The following ADAM10 variants were observed in gnomAD, a reference collection of about 807,000 sequenced individuals.
ADAM10 encodes ADAM metallopeptidase domain 10.
ADAM10 carries 17 observed loss-of-function variants against 90.1 expected under a neutral mutation model. The observed-to-expected ratio is 0.19, with a 90% CI of 0.13 to 0.28. The LOEUF is 0.28. Among genes scored for constraint, ADAM10 ranks in the 10% least tolerant of loss-of-function variants. ADAM10 has a pLI of 1.00. For missense variants in ADAM10, 610 were observed against 914.3 expected, an observed-to-expected ratio of 0.67 and a Z score of 4.29; for synonymous variants, 310 against 298.6, an observed-to-expected ratio of 1.04 and a Z score of -0.40.
At chr15:58,742,749 T>C (rs1354803659) in intron 1 of ADAM10, among the ~76,000 whole-genome samples, 1 of 152,224 alleles carries the variant, frequency 6.6e-6, no homozygotes, top group African/African-American at 2.4e-5. Context: ...CTAGACTACT[T>C]AGAATTACCA....
chr15:58,719,884 T>G (rs944825421), intron 1 of ADAM10, among the ~76,000 whole-genome samples: 16 of 152,188 alleles, frequency 1.1e-4, no homozygotes, highest in African/African-American at 3.9e-4. Flanking sequence ...AAACCATGTG[T>G]GACAATTAAT....
intron 5 of ADAM10, among the ~76,000 whole-genome samples, chr15:58,648,090 T>C (rs967872641): frequency 1.7e-4 from 26 of 152,214 alleles, no homozygotes; most frequent in African/African-American, 6.3e-4. Context: ...AGGGTAACTA[T>C]GTGAAATGAT....
chr15:58,741,405 A>AAAG (rs1899610186), intron 1 of ADAM10, among the ~76,000 whole-genome samples: 1 of 152,192 alleles, frequency 6.6e-6, no homozygotes, highest in Non-Finnish European at 1.5e-5. Context: ...TAATCCAGCT[A>AAAG]CCTAAAGCAC....
intron 13 of ADAM10, 177 bp downstream of exon 13, chr15:58,610,822 T>G: frequency 1.5e-6 from 1 of 658,226 alleles, no homozygotes; most frequent in South Asian, 1.9e-5. Flanking sequence ...TTTAAAACAT[T>G]GTAGAGACCA....
chr15:58,675,539 G>A (rs1390687374), intron 4 of ADAM10, among the ~76,000 whole-genome samples: 1 of 152,140 alleles, frequency 6.6e-6, no homozygotes, highest in African/African-American at 2.4e-5. Context: ...AAGGGGCAGA[G>A]GACTAAGTGG....
At chr15:58,718,181 T>C (rs1212547902) in intron 1 of ADAM10, among the ~76,000 whole-genome samples, 4 of 151,858 alleles carry the variant, frequency 2.6e-5, no homozygotes, top group Admixed American at 6.6e-5. Context: ...TAAAAATAAA[T>C]AAAAAGTTAA....
At chr15:58,728,911 A>T (rs1899129446) in intron 1 of ADAM10, among the ~76,000 whole-genome samples, 1 of 152,240 alleles carries the variant, frequency 6.6e-6, no homozygotes, top group Non-Finnish European at 1.5e-5. Context: ...GGGAAATAAA[A>T]GATTAAATGA....
chr15:58,718,148 A>C (rs1898726739), intron 1 of ADAM10, among the ~76,000 whole-genome samples: 1 of 152,004 alleles, frequency 6.6e-6, no homozygotes, highest in African/African-American at 2.4e-5. Flanking sequence ...AATAAAAAAT[A>C]AAATAAAAAT....
At chr15:58,727,734 T>C (rs1380268118) in intron 1 of ADAM10, among the ~76,000 whole-genome samples, 1 of 152,082 alleles carries the variant, frequency 6.6e-6, no homozygotes, top group Admixed American at 6.6e-5. Context: ...ATCCAAACCC[T>C]AATCCAAAGA....
chr15:58,647,248 ATTTTTTTTTTTTTTT>A (rs67378373), intron 5 of ADAM10, among the ~76,000 whole-genome samples: 76 of 59,602 alleles, frequency 1.3e-3, no homozygotes, highest in Non-Finnish European at 1.7e-3. Context: ...GACACTAAGT[ATTTTTTTTTTTTTTT>A]TTTTTTTTTT....
intron 1 of ADAM10, among the ~76,000 whole-genome samples, chr15:58,722,726 C>CTTTTTTT (rs71116592): frequency 9.6e-6 from 1 of 103,998 alleles, no homozygotes; most frequent in South Asian, 3.7e-4. Context: ...AATTTGAGAA[C>CTTTTTTT]TTTTTTTTTT....
intron 1 of ADAM10, among the ~76,000 whole-genome samples, chr15:58,735,257 C>T (rs1899391891): frequency 6.6e-6 from 1 of 152,152 alleles, no homozygotes; most frequent in Non-Finnish European, 1.5e-5. Flanking sequence ...CTACTCTATC[C>T]TGATCCTTAC....
Position 58,591,434 on chromosome 15 carries a change from T to G in ADAM10, c.*6113A>C, listed in dbSNP as rs1243300032. On this transcript the variant is annotated 3_prime_UTR_variant, in exon 16 of 16. Coordinates refer to ENST00000260408, the MANE Select transcript of ADAM10 (RefSeq NM_001110.4). ...AATTTGATTCACATTTAAAACACTT[T>G]TTTTTTTTCTTTGAGATGGAGTCTC... is the stretch of plus-strand genomic sequence containing the variant. 4 of 152,104 alleles carry G rather than the reference T, an allele frequency of 2.6e-5. No homozygotes were observed. The highest frequency in any genetic ancestry group is 4.4e-5 in the Non-Finnish European group (3 of 68,024). The allele number at this position is 152,104 out of a possible 1,614,324, so 9.4% of individuals were successfully genotyped here.
At chr15:58,688,835 A>C (rs2140767323) in intron 2 of ADAM10, among the ~76,000 whole-genome samples, 1 of 148,080 alleles carries the variant, frequency 6.8e-6, no homozygotes, top group Non-Finnish European at 1.5e-5. Context: ...ATACTGCAAG[A>C]AAGAATATCA....
intron 2 of ADAM10, among the ~76,000 whole-genome samples, chr15:58,684,756 C>A (rs1215850862): frequency 6.6e-6 from 1 of 152,176 alleles, no homozygotes; most frequent in East Asian, 1.9e-4. Flanking sequence ...GTTGAGGGAA[C>A]CCCCAATTTA....
intron 1 of ADAM10, among the ~76,000 whole-genome samples, chr15:58,723,630 G>A (rs564959716): frequency 5.5e-4 from 83 of 152,180 alleles, no homozygotes; most frequent in African/African-American, 1.8e-3. Context: ...TCTTGAACCC[G>A]GGAGACGGAG....
intron 1 of ADAM10, among the ~76,000 whole-genome samples, chr15:58,734,790 C>G (rs1899373419): frequency 6.6e-6 from 1 of 151,728 alleles, no homozygotes; most frequent in Non-Finnish European, 1.5e-5. Context: ...TGACGTCTAC[C>G]TCTAAGATGG....
At chr15:58,693,166 T>A (rs1233211514) in intron 2 of ADAM10, 1 of 726,044 alleles carries the variant, frequency 1.4e-6, no homozygotes, top group Admixed American at 1.7e-5. Flanking sequence ...AGTCGCCACC[T>A]CCCCTTCTCC....
At position 58,594,034 on chromosome 15, in the gene ADAM10, T is replaced by C. The variant is rs1894889125; in HGVS notation, c.*3513A>G. 6.6e-6 allele frequency: 1 copy of C among 152,228 alleles called. No homozygotes were observed. Among genetic ancestry groups the C allele is most frequent in the South Asian group, 2.1e-4 (1 of 4,834 alleles). The allele number at this position is 152,228 out of a possible 1,614,324, so 9.4% of individuals were successfully genotyped here. On this transcript the variant is annotated 3_prime_UTR_variant, in exon 16 of 16. Transcript: ENST00000260408. ...ATGCTGAAACTGAAGTTGTCCTCTGTGGGGCAAACCAATTGTCTTTCTAGT... is the reference window on the plus strand; with the variant it reads ...ATGCTGAAACTGAAGTTGTCCTCTGCGGGGCAAACCAATTGTCTTTCTAGT...
Sources: gnomAD v4.1 joint callset for allele counts (sites outside exome capture counted in the v4.1 genomes callset) on GRCh38, gnomAD v4.1.1 for gene constraint, MANE v1.5 for transcripts, NCBI Gene and HGNC (gene_info 2026-07-23, HGNC 2026-07-21) for gene names.